The following HIP1R variants were observed in gnomAD, a reference collection of about 807,000 sequenced individuals.
The protein encoded by HIP1R is huntingtin-interacting protein 1-related protein.
HIP1R carries 135 observed loss-of-function variants against 144.2 expected under a neutral mutation model. The observed-to-expected ratio is 0.94, with a 90% CI of 0.81 to 1.08. HIP1R has a LOEUF of 1.08. Among genes scored for constraint, HIP1R ranks in the 50% least tolerant of loss-of-function variants. HIP1R has a pLI of 0.00. For synonymous variants in HIP1R, 698 were observed against 612.8 expected, an observed-to-expected ratio of 1.14 and a Z score of -2.05; for missense variants, 1,462 against 1,432.8, an observed-to-expected ratio of 1.02 and a Z score of -0.33.
At chr12:122,838,967 G>C (rs1447421473) in intron 1 of HIP1R, among the ~76,000 whole-genome samples, 2 of 152,206 alleles carry the variant, frequency 1.3e-5, no homozygotes, top group Non-Finnish European at 2.9e-5. Context: ...TTAGTCCTGT[G>C]AGACCTGTTT....
chr12:122,858,557 G>GCC (rs1223371354), intron 20 of HIP1R, 122 bp downstream of exon 20: 3 of 792,324 alleles, frequency 3.8e-6, no homozygotes, highest in Non-Finnish European at 5.9e-6. Flanking sequence ...CCAAGCAGAT[G>GCC]CCCCCTGCCT....
chr12:122,856,904 C>T, intron 17 of HIP1R, 117 bp from the exon 18 acceptor site: 2 of 1,127,842 alleles, frequency 1.8e-6, no homozygotes, highest in Non-Finnish European at 2.6e-6. Context: ...CCTCAGGGAG[C>T]CCTGAGTCTA....
rs1397976232 is a variant in HIP1R, at chr12:122,861,162, C to T, written c.2922C>T (p.Ile974=). Residue 974 remains isoleucine (I), a synonymous_variant, in exon 30 of 32, where the codon ATC becomes ATT. Coordinates refer to ENST00000253083, the MANE Select transcript of HIP1R (RefSeq NM_003959.3). ...DTMDFSGLSL[I]KLKKQEMETQ... ...TGGATTTCTCCGGCCTGTCCCTCATCAAGCTGAAGAAGCAGGAGATGGAGA... is the reference window on the plus strand; with the variant it reads ...TGGATTTCTCCGGCCTGTCCCTCATTAAGCTGAAGAAGCAGGAGATGGAGA... The T allele has an allele frequency of 1.9e-6, 3 of 1,612,466 alleles. No homozygotes were observed. The highest frequency in any genetic ancestry group is 2.5e-6 in the Non-Finnish European group (3 of 1,179,854).
chr12:122,849,743 G>A, intron 4 of HIP1R, 132 bp from the exon 5 acceptor site: 1 of 633,156 alleles, frequency 1.6e-6, no homozygotes, highest in South Asian at 1.9e-5. Context: ...GAGGGTGGTT[G>A]GTGGAGGCCA....
rs34167842 is a variant in HIP1R at position 122,861,497 on chromosome 12, C to T, written c.3142C>T (p.Pro1048Ser). 3.4e-5 allele frequency: 54 copies of T among 1,611,840 alleles called. No individual in the cohort carries two copies. In the African/African-American group the frequency reaches 5.2e-4, roughly 16 times the overall value. ...CCTGGCCCAGAAGCCCAGCGTGGCC[C>T]CCAGACAGGACCACCAGGTGCCGTC... ...PPLAQKPSVAPRQDHQLDKKD... is the reference protein window; with the variant it reads ...PPLAQKPSVASRQDHQLDKKD... The change falls in exon 31 of 32, where the codon CCC becomes TCC. Residue 1048 changes from proline (P) to serine (S), a missense_variant. Physicochemically the swap from Pro to Ser is moderately conservative, Grantham distance 74. Transcript: ENST00000253083.
chr12:122,837,197 A>G (rs1351007861), intron 1 of HIP1R, among the ~76,000 whole-genome samples: 1 of 152,178 alleles, frequency 6.6e-6, no homozygotes, highest in Non-Finnish European at 1.5e-5. Context: ...TGAAGGACCA[A>G]CTTCATTGAT....
intron 1 of HIP1R, among the ~76,000 whole-genome samples, chr12:122,847,512 C>G (rs1454965344): frequency 1.3e-5 from 2 of 152,204 alleles, no homozygotes; most frequent in Non-Finnish European, 2.9e-5. Flanking sequence ...GAGGGGCAGC[C>G]TATGGGGCAG....
rs1032869225 is a variant in HIP1R at position 122,860,173 on chromosome 12, C to G, written c.2522C>G (p.Ser841Cys). ...MKAIRLLVTT[S>C]TSLQKEIVES... ...GCTATCCGGCTCCTGGTGACGACAT[C>G]CACTAGCCTGCAGAAGGAGATCGTG... The change falls in exon 26 of 32, where the codon TCC becomes TGC. Residue 841 changes from serine to cysteine, a missense_variant. Physicochemically the swap from Ser to Cys is moderately radical, Grantham distance 112. Coordinates refer to ENST00000253083, the MANE Select transcript of HIP1R (RefSeq NM_003959.3). 6.4e-6 allele frequency: 10 copies of G among 1,572,720 alleles called. No homozygotes were observed. The African/African-American group carries it at 1.3e-4, about 21-fold the overall frequency.
rs2033032316 is a variant in HIP1R, at chr12:122,840,702, G to C, written c.93+5059G>C. On this transcript the variant is annotated intron_variant, in intron 1 of 31. Transcript: ENST00000253083. This position sits in a 1 kb window ranked among gnomAD's most constrained non-coding sequence, Gnocchi z 4.2. ...GGAGGCCTTGTGTGCTGGGGCGGTT[G>C]GGGAGAAAAGTGGATCTGCACAGAG... Among the ~76,000 whole-genome samples the C allele has an allele frequency of 6.6e-6, 1 of 152,206 alleles. No homozygotes were observed. The highest frequency in any genetic ancestry group is 1.5e-5 in the Non-Finnish European group (1 of 68,036).
At position 122,859,547 on chromosome 12, in the gene HIP1R, G is replaced by A; in HGVS notation, c.2406+11G>A. 1.3e-6 allele frequency: 2 copies of A among 1,598,286 alleles called. No individual in the cohort carries two copies. The highest frequency in any genetic ancestry group is 1.7e-6 in the Non-Finnish European group (2 of 1,166,504). On this transcript the variant is annotated intron_variant, in intron 23 of 31. Coordinates refer to ENST00000253083, the MANE Select transcript of HIP1R (RefSeq NM_003959.3). ...GTGCGGAGGATTGAGGTGAGCACGG[G>A]ATCTGGGGACTCCCCTCATTCCTGT...
At chr12:122,861,629 A>T in intron 31 of HIP1R, 77 bp from the exon 32 acceptor site, 4 of 1,589,226 alleles carry the variant, frequency 2.5e-6, no homozygotes, top group Non-Finnish European at 3.4e-6. Flanking sequence ...ACATGCAGGG[A>T]GGAGCTTGCT....
In HIP1R at chr12:122,856,311, G is replaced by C. The variant is rs745800513; in HGVS notation, c.1368G>C (p.Glu456Asp). 3 of 1,613,810 alleles carry C rather than the reference G, an allele frequency of 1.9e-6. No homozygotes were observed. The highest frequency in any genetic ancestry group is 3.3e-5 in the Admixed American group (2 of 60,008). The part of the protein sequence containing the change: ...RYNKLKEKHS[E>D]LVHVHAELLR... ...ACAAGCTGAAGGAAAAGCACAGTGA[G>C]CTCGTCCATGTGCACGCGGAGCTGC... is the stretch of plus-strand genomic sequence containing the variant. Residue 456 changes from glutamate (E) to aspartate (D), a missense_variant, in exon 15 of 32, where the codon GAG becomes GAC. Around this residue, in one of 2 missense-constraint regions of HIP1R, gnomAD observed 1,112 missense variants for 1,011.7 expected, o/e 1.10. Transcript: ENST00000253083.
chr12:122,856,026 A>AG lies in HIP1R; in HGVS notation c.1178dup (p.Glu394Ter). On this transcript the variant is annotated frameshift_variant, in exon 14 of 32. Coordinates refer to ENST00000253083, the MANE Select transcript of HIP1R (RefSeq NM_003959.3). LOFTEE classifies it high-confidence loss of function. Reference sequence around the variant, plus strand: ...CTGAAGAGCCAGGTGAATGCACTGGAGGGTGAGCTGGAGGAGCAGCGGAAG... The same window carrying AG: ...CTGAAGAGCCAGGTGAATGCACTGGAGGGGTGAGCTGGAGGAGCAGCGGAAG... 1 of 1,596,716 alleles carries AG rather than the reference A, an allele frequency of 6.3e-7. No individual in the cohort carries two copies. The highest frequency in any genetic ancestry group is 8.5e-7 in the Non-Finnish European group (1 of 1,171,936).
chr12:122,848,389 C>T (rs2033271769), intron 2 of HIP1R, 77 bp from the exon 3 acceptor site: 1 of 1,534,250 alleles, frequency 6.5e-7, no homozygotes, highest in Non-Finnish European at 8.8e-7. Context: ...CTTCCGGCGG[C>T]CCTGGCCTCT....
intron 7 of HIP1R, among the ~76,000 whole-genome samples, chr12:122,852,022 G>A (rs1394328871): frequency 2.6e-5 from 4 of 152,202 alleles, no homozygotes; most frequent in Non-Finnish European, 5.9e-5. Context: ...GAGGGAACCC[G>A]GCCGCTGTTG....
upstream of HIP1R, chr12:122,834,775 G>A (rs1422427296): frequency 7.6e-6 from 3 of 396,486 alleles, no homozygotes; most frequent in African/African-American, 2.1e-5. Flanking sequence ...CGAGGTGTCC[G>A]GTTGCGGAGC....
At chr12:122,853,851 G>A (rs897013192) in intron 7 of HIP1R, 192 bp from the exon 8 acceptor site, 46 of 572,068 alleles carry the variant, frequency 8.0e-5, no homozygotes, top group Non-Finnish European at 1.0e-4. Flanking sequence ...TGTTGTTGCC[G>A]TTGACCTCCT....
chr12:122,835,682 G>T, intron 1 of HIP1R, 39 bp downstream of exon 1: 1 of 1,093,918 alleles, frequency 9.1e-7, no homozygotes, highest in Non-Finnish European at 1.1e-6. Context: ...GGCGGCGGCG[G>T]GCGGGCGGGC....
At chr12:122,835,690 G>GGCAA (rs1256757694) in intron 1 of HIP1R, 47 bp downstream of exon 1, 7 of 1,074,676 alleles carry the variant, frequency 6.5e-6, no homozygotes, top group Middle Eastern at 8.3e-4. Flanking sequence ...CGGGCGGGCG[G>GGCAA]GCAAGCGGCG....
Sources: allele counts gnomAD v4.1 joint callset (sites outside exome capture counted in the v4.1 genomes callset), GRCh38; gene constraint gnomAD v4.1.1; regional missense constraint gnomAD v4.1.1; non-coding constraint Gnocchi (gnomAD v3.1); transcripts MANE v1.5; gene names NCBI Gene and HGNC (gene_info 2026-07-23, HGNC 2026-07-21).